Variants in SLC25A24 observed in about 807,000 individuals in gnomAD.
The protein encoded by SLC25A24 is mitochondrial adenyl nucleotide antiporter SLC25A24.
A neutral mutation model predicts 60.7 loss-of-function variants in SLC25A24; 49 were observed. The ratio of observed to expected loss-of-function variants is 0.81; its 90% CI spans 0.64 to 1.02. The LOEUF (loss-of-function observed/expected upper bound fraction) is 1.02, where lower values mean the gene tolerates loss of function less well. Among genes scored for constraint, SLC25A24 ranks in the 50% least tolerant of loss-of-function variants. The pLI is 0.00. For missense variants in SLC25A24, 564 were observed against 586.3 expected (o/e 0.96, Z 0.39); for synonymous variants, 202 against 200.6 (o/e 1.01, Z -0.06).
intron 8 of SLC25A24, among the ~76,000 whole-genome samples, chr1:108,141,847 T>C (rs780854286): frequency 3.9e-5 from 6 of 152,120 alleles, no homozygotes; most frequent in Admixed American, 6.6e-5. Flanking sequence ...TACACAGCGC[T>C]GGGGTGAAGG....
intron 6 of SLC25A24, among the ~76,000 whole-genome samples, chr1:108,149,337 A>T (rs559076431): frequency 6.6e-6 from 1 of 152,292 alleles, no homozygotes; most frequent in South Asian, 2.1e-4. Flanking sequence ...GTATATTAAT[A>T]TCATGGGATT....
Position 108,160,934 on chromosome 1 carries a change from A to C in SLC25A24, c.510+248T>G, listed in dbSNP as rs1313498641. Among the ~76,000 whole-genome samples the C allele has an allele frequency of 2.0e-5, 3 of 151,876 alleles. No individual in the cohort carries two copies. The East Asian group carries it at 5.8e-4, about 29-fold the overall frequency. On this transcript the variant is annotated intron_variant, in intron 4 of 9. Coordinates refer to ENST00000565488, the MANE Select transcript of SLC25A24 (RefSeq NM_013386.5). ...AGCTTTGGCTCGGCATCAGAGGGAGACCGTGGAAAGAGAGGGAGAGGGAGA... is the reference window on the plus strand; with the variant it reads ...AGCTTTGGCTCGGCATCAGAGGGAGCCCGTGGAAAGAGAGGGAGAGGGAGA...
chr1:108,156,458 A>G (rs1442317489), intron 5 of SLC25A24, among the ~76,000 whole-genome samples: 3 of 152,208 alleles, frequency 2.0e-5, no homozygotes, highest in Non-Finnish European at 4.4e-5. Flanking sequence ...CCTAAAGAAA[A>G]ACACACACCA....
intron 1 of SLC25A24, among the ~76,000 whole-genome samples, chr1:108,197,781 G>C (rs891800843): frequency 1.3e-5 from 2 of 152,160 alleles, no homozygotes; most frequent in Non-Finnish European, 2.9e-5. Context: ...AGAACCAAAA[G>C]GCAAAGCAAG....
chr1:108,154,227 G>T (rs1440172309), intron 6 of SLC25A24, among the ~76,000 whole-genome samples: 2 of 151,322 alleles, frequency 1.3e-5, no homozygotes, highest in Non-Finnish European at 2.9e-5. Context: ...CTATGGGGGG[G>T]GAGTTGAATT....
intron 7 of SLC25A24, among the ~76,000 whole-genome samples, chr1:108,145,141 G>A (rs923899701): frequency 6.6e-6 from 1 of 152,140 alleles, no homozygotes; most frequent in Admixed American, 6.5e-5. Flanking sequence ...ATGCCATTGT[G>A]GTTTTGATTT....
Position 108,192,287 on chromosome 1 carries a change from A to G in SLC25A24, c.184-6333T>C, listed in dbSNP as rs557188253. On this transcript the variant is annotated intron_variant, in intron 1 of 9. Transcript: ENST00000565488. Reference sequence around the variant, plus strand: ...GCAATCTGAAGTTGGAGATTTTACTACAGCCAAGGAGAAAACGGAGAAAAA... The same window carrying G: ...GCAATCTGAAGTTGGAGATTTTACTGCAGCCAAGGAGAAAACGGAGAAAAA... Among the ~76,000 whole-genome samples the G allele has an allele frequency of 8.6e-5, 12 of 139,730 alleles. 2 individuals are homozygous for G. Among genetic ancestry groups the G allele is most frequent in the African/African-American group, 2.7e-4 (11 of 40,292 alleles). 91.7% of individuals were successfully genotyped at this position (139,730 alleles called of 152,430 possible). A position where few individuals can be genotyped will look rare whatever the true frequency, so the allele number is the denominator to read the frequency against.
chr1:108,167,210 C>A (rs1680281279), intron 3 of SLC25A24, among the ~76,000 whole-genome samples: 1 of 151,024 alleles, frequency 6.6e-6, no homozygotes, highest in Non-Finnish European at 1.5e-5. Flanking sequence ...CAGACAGGGA[C>A]ATTTAAGTCT....
intron 3 of SLC25A24, among the ~76,000 whole-genome samples, chr1:108,177,155 G>T (rs72975372): frequency 0.025 from 3,752 of 151,302 alleles, 156 homozygotes; most frequent in African/African-American, 0.086. Flanking sequence ...GTTTTGGGGG[G>T]TTTTTGCAAT....
At chr1:108,182,055 A>G (rs1310970447) in intron 2 of SLC25A24, 27 bp from the exon 3 acceptor site, 1 of 1,408,514 alleles carries the variant, frequency 7.1e-7, no homozygotes, top group Non-Finnish European at 1.0e-6. Flanking sequence ...AGGGCAAAAA[A>G]TAAAACTCAG....
Position 108,143,535 on chromosome 1 carries a change from A to C in SLC25A24, c.1098+8T>G. ...ATTTTCCAATTCAAAAGATTTCTAC[A>C]AACTCACCTCATACACAGCAAGATC... On this transcript the variant is annotated splice_region_variant and intron_variant, in intron 8 of 9. Coordinates refer to ENST00000565488, the MANE Select transcript of SLC25A24 (RefSeq NM_013386.5). 1 of 1,597,074 alleles carries C rather than the reference A, an allele frequency of 6.3e-7. No individual in the cohort carries two copies. The highest frequency in any genetic ancestry group is 8.5e-7 in the Non-Finnish European group (1 of 1,174,048).
chr1:108,144,636 T>C (rs893842933), intron 7 of SLC25A24, among the ~76,000 whole-genome samples: 4 of 152,170 alleles, frequency 2.6e-5, no homozygotes, highest in Non-Finnish European at 5.9e-5. Flanking sequence ...TGTGTCCATG[T>C]ATTCTCATTG....
Position 108,134,903 on chromosome 1 carries a change from C to G in SLC25A24, c.*1750G>C, listed in dbSNP as rs1239178290. ...CCAGAAATATACTATCTTCAACTCT[C>G]GGCTTTTTTCCAAAAGATACAGAAT... On this transcript the variant is annotated 3_prime_UTR_variant, in exon 10 of 10. Coordinates refer to ENST00000565488, the MANE Select transcript of SLC25A24 (RefSeq NM_013386.5). 6.6e-6 allele frequency: 1 copy of G among 152,052 alleles called. No homozygotes were observed. The highest frequency in any genetic ancestry group is 1.5e-5 in the Non-Finnish European group (1 of 68,010). 9.4% of individuals were successfully genotyped at this position (152,052 alleles called of 1,614,324 possible). A position where few individuals can be genotyped will look rare whatever the true frequency, so the allele number is the denominator to read the frequency against.
At chr1:108,189,366 A>G (rs1409114588) in intron 1 of SLC25A24, among the ~76,000 whole-genome samples, 1 of 152,192 alleles carries the variant, frequency 6.6e-6, no homozygotes, top group Admixed American at 6.5e-5. Context: ...TAAGTTTTAA[A>G]TTGCACACCA....
intron 3 of SLC25A24, among the ~76,000 whole-genome samples, chr1:108,178,138 G>C (rs1647759982): frequency 6.6e-6 from 1 of 151,712 alleles, no homozygotes. Context: ...CTCCAGCCTG[G>C]TGACAGAGTG....
chr1:108,186,398 A>T (rs984995693), intron 1 of SLC25A24, among the ~76,000 whole-genome samples: 5 of 152,016 alleles, frequency 3.3e-5, no homozygotes, highest in Admixed American at 1.3e-4. Context: ...TCCATAAAAA[A>T]TTTTTAAAAT....
intron 7 of SLC25A24, among the ~76,000 whole-genome samples, chr1:108,146,344 A>T (rs938828837): frequency 6.6e-6 from 1 of 152,220 alleles, no homozygotes; most frequent in Admixed American, 6.5e-5. Context: ...CTAAATATAC[A>T]ATCATGTCAA....
intron 3 of SLC25A24, among the ~76,000 whole-genome samples, chr1:108,166,488 C>A (rs1239088153): frequency 2.1e-4 from 32 of 152,106 alleles, no homozygotes; most frequent in Non-Finnish European, 3.8e-4. Flanking sequence ...AGGCTTTGCT[C>A]GTTTCTTTTT....
intron 8 of SLC25A24, among the ~76,000 whole-genome samples, chr1:108,140,856 C>T (rs941356032): frequency 1.3e-5 from 2 of 150,290 alleles, no homozygotes; most frequent in African/African-American, 4.9e-5. Context: ...CAGAAGAAGC[C>T]AGGAAGAGAG....
Sources: allele counts gnomAD v4.1 joint callset (sites outside exome capture counted in the v4.1 genomes callset), GRCh38; gene constraint gnomAD v4.1.1; transcripts MANE v1.5; gene names NCBI Gene and HGNC (gene_info 2026-07-23, HGNC 2026-07-21).